Variants in TMEM132C observed in about 807,000 individuals in gnomAD.
The protein encoded by TMEM132C is protein phosphatase 1, regulatory subunit 152.
TMEM132C carries 29 observed loss-of-function variants against 61.4 expected under a neutral mutation model. That is an observed-to-expected ratio of 0.47 (90% CI 0.35 to 0.64). The LOEUF (loss-of-function observed/expected upper bound fraction) is 0.64. Ranked by LOEUF, TMEM132C falls within the 30% of genes least tolerant of loss-of-function variation. The probability of loss-of-function intolerance (pLI) is 0.00; values close to 1 mark genes in which losing one functional copy is unlikely to be tolerated. For synonymous variants in TMEM132C, 656 were observed against 633.1 expected, an observed-to-expected ratio of 1.04 and a Z score of -0.54; for missense variants, 1,408 against 1,476.9, an observed-to-expected ratio of 0.95 and a Z score of 0.76.
chr12:128,295,308 A>G (rs1489815758), intron 1 of TMEM132C, among the ~76,000 whole-genome samples: 1 of 152,126 alleles, frequency 6.6e-6, no homozygotes, highest in African/African-American at 2.4e-5. Context: ...AAGTTATGGG[A>G]TTACAAGTGT....
At chr12:128,480,576 G>A (rs997950098) in intron 2 of TMEM132C, among the ~76,000 whole-genome samples, 1 of 152,188 alleles carries the variant, frequency 6.6e-6, no homozygotes, top group African/African-American at 2.4e-5. Flanking sequence ...CCCCGTTGCT[G>A]CAGCACCCCG....
Position 128,706,317 on chromosome 12 carries a change from T to C in TMEM132C, c.*22T>C, listed in dbSNP as rs1230895652. On this transcript the variant is annotated 3_prime_UTR_variant, in exon 9 of 9. Transcript: ENST00000435159. ...TTAGGCCCCTCTAGCCAAAGGGCCC[T>C]GCCCAGATGCCTTCCTTGTACTGGA... The C allele has an allele frequency of 1.3e-6, 2 of 1,482,412 alleles. No homozygotes were observed. Among genetic ancestry groups the C allele is most frequent in the Non-Finnish European group, 1.8e-6 (2 of 1,116,758 alleles). 91.8% of individuals were successfully genotyped at this position (1,482,412 alleles called of 1,614,324 possible). A position where few individuals can be genotyped will look rare whatever the true frequency, so the allele number is the denominator to read the frequency against.
At chr12:128,608,167 A>C (rs1345578211) in intron 3 of TMEM132C, among the ~76,000 whole-genome samples, 3 of 152,202 alleles carry the variant, frequency 2.0e-5, no homozygotes, top group Non-Finnish European at 4.4e-5. Context: ...TAGTTGTAGC[A>C]ATGCTAAGAG....
intron 3 of TMEM132C, among the ~76,000 whole-genome samples, chr12:128,576,358 G>A (rs1875094857): frequency 6.6e-6 from 1 of 152,160 alleles, no homozygotes; most frequent in Non-Finnish European, 1.5e-5. Flanking sequence ...AATTGAAACA[G>A]AAAAGAGCAA....
intron 2 of TMEM132C, among the ~76,000 whole-genome samples, chr12:128,428,668 G>C (rs1032792645): frequency 6.6e-6 from 1 of 152,178 alleles, no homozygotes; most frequent in African/African-American, 2.4e-5. Context: ...GAAGGAGAAG[G>C]GTTCATGTCA....
At chr12:128,668,845 T>C (rs1186228149) in intron 4 of TMEM132C, among the ~76,000 whole-genome samples, 1 of 152,144 alleles carries the variant, frequency 6.6e-6, no homozygotes, top group Non-Finnish European at 1.5e-5. Flanking sequence ...CAACATCTCC[T>C]CCTCCTCCTC....
rs115465468 is a variant in TMEM132C at position 128,375,300 on chromosome 12, G to A, written c.86-39432G>A. 9.9e-3 allele frequency among the ~76,000 whole-genome samples: 1,509 copies of A among 152,220 alleles called. 18 individuals carry two copies. Among genetic ancestry groups the A allele is most frequent in the African/African-American group, 0.034 (1,395 of 41,548 alleles). On this transcript the variant is annotated intron_variant, in intron 1 of 8. Transcript: ENST00000435159. Reference sequence around the variant, plus strand: ...TCCTCTGTCAGCTTCTAGGGATGCCGTGACAATGACCCCGCACTGGGTGGC... The same window carrying A: ...TCCTCTGTCAGCTTCTAGGGATGCCATGACAATGACCCCGCACTGGGTGGC...
intron 2 of TMEM132C, among the ~76,000 whole-genome samples, chr12:128,454,966 T>C (rs1252597601): frequency 6.6e-6 from 1 of 152,206 alleles, no homozygotes; most frequent in East Asian, 1.9e-4. Context: ...GGGGTTGACT[T>C]GCCTGTGGGC....
intron 2 of TMEM132C, among the ~76,000 whole-genome samples, chr12:128,484,496 G>A (rs941565432): frequency 8.5e-5 from 13 of 152,050 alleles, no homozygotes; most frequent in South Asian, 2.1e-4. Context: ...TGTTCTGGCC[G>A]AATCTCCCTC....
At chr12:128,379,798 T>C (rs1361614307) in intron 1 of TMEM132C, among the ~76,000 whole-genome samples, 5 of 152,206 alleles carry the variant, frequency 3.3e-5, no homozygotes, top group Non-Finnish European at 5.9e-5. Flanking sequence ...GGCTTGGGCA[T>C]GGACATATGC....
At chr12:128,339,137 C>T (rs1008072067) in intron 1 of TMEM132C, among the ~76,000 whole-genome samples, 3 of 152,200 alleles carry the variant, frequency 2.0e-5, no homozygotes, top group South Asian at 2.1e-4. Context: ...GTGTTGGGGG[C>T]TGGGGGTTCC....
chr12:128,539,732 A>G (rs1466078029), intron 2 of TMEM132C, among the ~76,000 whole-genome samples: 1 of 152,206 alleles, frequency 6.6e-6, no homozygotes, highest in Non-Finnish European at 1.5e-5. Flanking sequence ...ATTGTCTTCT[A>G]GGTTACGGAG....
At chr12:128,312,372 A>G (rs1054880666) in intron 1 of TMEM132C, among the ~76,000 whole-genome samples, 2 of 152,046 alleles carry the variant, frequency 1.3e-5, no homozygotes, top group African/African-American at 4.8e-5. Context: ...CAGTGGCACA[A>G]TTGGTTCACT....
At chr12:128,640,666 C>T (rs985722352) in intron 4 of TMEM132C, among the ~76,000 whole-genome samples, 40 of 152,124 alleles carry the variant, frequency 2.6e-4, no homozygotes, top group African/African-American at 7.5e-4. Flanking sequence ...GAGGCGGAGG[C>T]GGGCAGATCA....
chr12:128,466,769 C>T (rs773427781), intron 2 of TMEM132C, among the ~76,000 whole-genome samples: 7 of 152,286 alleles, frequency 4.6e-5, no homozygotes, highest in Non-Finnish European at 1.0e-4. Context: ...CCACCCGCCT[C>T]GGCCTCCCAA....
At chr12:128,306,391 A>T (rs1199933341) in intron 1 of TMEM132C, among the ~76,000 whole-genome samples, 1 of 151,700 alleles carries the variant, frequency 6.6e-6, no homozygotes, top group South Asian at 2.1e-4. Context: ...TTTAGTAGAG[A>T]TGGGGTTTCA....
At chr12:128,567,595 C>T (rs1874746795) in intron 3 of TMEM132C, among the ~76,000 whole-genome samples, 1 of 151,670 alleles carries the variant, frequency 6.6e-6, no homozygotes, top group South Asian at 2.1e-4. Flanking sequence ...TCAATTATAT[C>T]TCTATAAAGC....
At position 128,524,454 on chromosome 12, in the gene TMEM132C, A is replaced by G. The variant is rs946431857; in HGVS notation, c.975-19503A>G. On this transcript the variant is annotated intron_variant, in intron 2 of 8. Coordinates refer to ENST00000435159, the MANE Select transcript of TMEM132C (RefSeq NM_001136103.3). ...GGCTTTAGCCCTACATAGCTCATGGACAGGCTGTCATTTATGGCCCTGGGT... is the reference window on the plus strand; with the variant it reads ...GGCTTTAGCCCTACATAGCTCATGGGCAGGCTGTCATTTATGGCCCTGGGT... Among the ~76,000 whole-genome samples, 8 of 152,154 alleles carry G rather than the reference A, an allele frequency of 5.3e-5. No individual in the cohort carries two copies. The East Asian group carries it at 1.3e-3, about 26-fold the overall frequency.
At chr12:128,434,055 T>C (rs1869490816) in intron 2 of TMEM132C, among the ~76,000 whole-genome samples, 1 of 152,202 alleles carries the variant, frequency 6.6e-6, no homozygotes, top group South Asian at 2.1e-4. Context: ...TGTGACTCCA[T>C]CCACAAGAGC....
Sources: allele counts gnomAD v4.1 joint callset (sites outside exome capture counted in the v4.1 genomes callset), GRCh38; gene constraint gnomAD v4.1.1; transcripts MANE v1.5; gene names NCBI Gene and HGNC (gene_info 2026-07-23, HGNC 2026-07-21).